Variants in RFX4 observed in about 807,000 individuals in gnomAD.
RFX4 encodes the protein transcription factor RFX4.
In RFX4, 10 loss-of-function variants were observed where a neutral mutation model predicts 95.0. The observed-to-expected ratio is 0.11, with a 90% CI of 0.06 to 0.18. RFX4 has a LOEUF of 0.18. Ranked by LOEUF, RFX4 falls within the 10% of genes least tolerant of loss-of-function variation. RFX4 has a pLI of 1.00. For missense variants in RFX4, 640 were observed against 922.0 expected, an observed-to-expected ratio of 0.69 and a Z score of 3.96; for synonymous variants, 321 against 340.7, an observed-to-expected ratio of 0.94 and a Z score of 0.64.
chr12:106,603,070 C>G (rs1188382112), intron 1 of RFX4, among the ~76,000 whole-genome samples: 2 of 152,176 alleles, frequency 1.3e-5, no homozygotes, highest in African/African-American at 4.8e-5. Context: ...GTTTGAACAT[C>G]GAAGGCACTT....
chr12:106,711,792 G>A (rs1442161351), intron 10 of RFX4, among the ~76,000 whole-genome samples: 1 of 152,126 alleles, frequency 6.6e-6, no homozygotes, highest in African/African-American at 2.4e-5. Flanking sequence ...TGTATGTAGT[G>A]GTTGAATCAA....
intron 3 of RFX4, among the ~76,000 whole-genome samples, chr12:106,649,087 AT>A (rs1208425045): frequency 2.0e-5 from 3 of 152,134 alleles, no homozygotes; most frequent in Admixed American, 1.3e-4. Flanking sequence ...AGAAGTGGGA[AT>A]TTTTTTGTGA....
At chr12:106,648,039 C>A (rs1285412350) in intron 3 of RFX4, among the ~76,000 whole-genome samples, 1 of 152,162 alleles carries the variant, frequency 6.6e-6, no homozygotes, top group Non-Finnish European at 1.5e-5. Context: ...GAGAGCTTTA[C>A]AAGCAGAGGA....
At chr12:106,615,310 G>C (rs138472522) in intron 2 of RFX4, among the ~76,000 whole-genome samples, 1,648 of 152,170 alleles carry the variant, frequency 0.011, 15 homozygotes, top group Admixed American at 0.019. Flanking sequence ...TCTGGGTCTG[G>C]ACTTTTATTC....
chr12:106,591,417 G>A (rs529595333), intron 1 of RFX4, among the ~76,000 whole-genome samples: 6 of 151,802 alleles, frequency 4.0e-5, no homozygotes, highest in African/African-American at 1.4e-4. Context: ...ACAGGTGCCC[G>A]CCACCACGCT....
chr12:106,626,751 C>A (rs1299729000), intron 2 of RFX4, among the ~76,000 whole-genome samples: 4 of 152,122 alleles, frequency 2.6e-5, no homozygotes, highest in African/African-American at 9.7e-5. Flanking sequence ...AGAGCAGGAA[C>A]CCAATGGGAT....
chr12:106,752,316 T>C (rs1385389557), intron 17 of RFX4, among the ~76,000 whole-genome samples: 1 of 152,104 alleles, frequency 6.6e-6, no homozygotes, highest in Non-Finnish European at 1.5e-5. Flanking sequence ...TTGGTACCAG[T>C]ACCATGCTGT....
At chr12:106,714,068 C>CAAAAAAAAAAAAAAAAAAAAAAA (rs58283896) in intron 10 of RFX4, among the ~76,000 whole-genome samples, 11 of 30,526 alleles carry the variant, frequency 3.6e-4, no homozygotes, top group African/African-American at 1.2e-3. Flanking sequence ...AACTCCATCT[C>CAAAAAAAAAAAAAAAAAAAAAAA]AAAAAAAAAA....
intron 4 of RFX4, among the ~76,000 whole-genome samples, chr12:106,661,979 G>C (rs1370269062): frequency 6.6e-6 from 1 of 151,466 alleles, no homozygotes; most frequent in Non-Finnish European, 1.5e-5. Flanking sequence ...AGGATATTTT[G>C]GTTTCTTCCC....
At chr12:106,684,563 G>A in intron 5 of RFX4, 1 of 504,814 alleles carries the variant, frequency 2.0e-6, no homozygotes, top group Non-Finnish European at 3.2e-6. Flanking sequence ...TAGTCAAGAA[G>A]TGGTCTGGTC....
intron 1 of RFX4, chr12:106,601,262 A>G: frequency 6.3e-7 from 1 of 1,581,998 alleles, no homozygotes; most frequent in Non-Finnish European, 8.6e-7. Context: ...AGAGACAGAA[A>G]GGGGCTGAGA....
chr12:106,630,113 G>T (rs1185671063), intron 2 of RFX4, among the ~76,000 whole-genome samples: 1 of 151,850 alleles, frequency 6.6e-6, no homozygotes, highest in Non-Finnish European at 1.5e-5. Context: ...TTTTCTTTTG[G>T]TTCTTGGTCT....
At chr12:106,635,462 G>A (rs879904611) in intron 2 of RFX4, among the ~76,000 whole-genome samples, 50 of 152,066 alleles carry the variant, frequency 3.3e-4, no homozygotes, top group African/African-American at 1.0e-3. Flanking sequence ...ACAGGTGTGC[G>A]CCACGATGCC....
chr12:106,693,457 G>A (rs748551701), intron 7 of RFX4, among the ~76,000 whole-genome samples: 5 of 152,132 alleles, frequency 3.3e-5, no homozygotes, highest in Non-Finnish European at 7.4e-5. Flanking sequence ...ATAAAAAAGG[G>A]GGTACGGCTG....
At chr12:106,675,797 A>G (rs555823188) in intron 4 of RFX4, among the ~76,000 whole-genome samples, 1 of 152,286 alleles carries the variant, frequency 6.6e-6, no homozygotes, top group African/African-American at 2.4e-5. Flanking sequence ...ATCCTGTGGG[A>G]AGGGCCAGAG....
intron 1 of RFX4, among the ~76,000 whole-genome samples, chr12:106,592,143 T>C (rs2039556767): frequency 6.6e-6 from 1 of 152,068 alleles, no homozygotes; most frequent in African/African-American, 2.4e-5. Context: ...TTATTAACAA[T>C]AATTATCTGG....
At chr12:106,725,492 A>G (rs1232183036) in intron 13 of RFX4, among the ~76,000 whole-genome samples, 1 of 152,254 alleles carries the variant, frequency 6.6e-6, no homozygotes, top group African/African-American at 2.4e-5. Flanking sequence ...TATAACATGG[A>G]GTAATGAGAA....
intron 1 of RFX4, among the ~76,000 whole-genome samples, chr12:106,584,367 C>T (rs1021059439): frequency 6.6e-6 from 1 of 152,092 alleles, no homozygotes; most frequent in African/African-American, 2.4e-5. Context: ...CATTTTGGCC[C>T]CCTGCAGCCT....
intron 17 of RFX4, among the ~76,000 whole-genome samples, chr12:106,755,157 C>T (rs190124855): frequency 1.5e-3 from 230 of 152,312 alleles, no homozygotes; most frequent in African/African-American, 5.2e-3. Flanking sequence ...AGTGCAGCTG[C>T]GCAATCTTGG....
Sources: gnomAD v4.1 joint callset for allele counts (sites outside exome capture counted in the v4.1 genomes callset) on GRCh38, gnomAD v4.1.1 for gene constraint, MANE v1.5 for transcripts, NCBI Gene and HGNC (gene_info 2026-07-23, HGNC 2026-07-21) for gene names.